The following AP3B2 variants were observed in gnomAD, a reference collection of about 807,000 sequenced individuals.
The protein encoded by AP3B2 is adaptor related protein complex 3 subunit beta 2.
A neutral mutation model predicts 126.9 loss-of-function variants in AP3B2; 50 were observed. The ratio of observed to expected loss-of-function variants is 0.39; its 90% CI spans 0.31 to 0.50. The LOEUF (loss-of-function observed/expected upper bound fraction) is 0.50. Among genes scored for constraint, AP3B2 ranks in the 20% least tolerant of loss-of-function variants. The pLI is 0.79. For missense variants in AP3B2, 1,177 were observed against 1,426.4 expected, an observed-to-expected ratio of 0.83 and a Z score of 2.82; for synonymous variants, 541 against 565.0, an observed-to-expected ratio of 0.96 and a Z score of 0.60.
At chr15:82,684,637 C>T in intron 4 of AP3B2, among the ~76,000 whole-genome samples, 1 of 152,166 alleles carries the variant, frequency 6.6e-6, no homozygotes, top group Non-Finnish European at 1.5e-5. Flanking sequence ...ACCTCAGCCT[C>T]CCAAGTAGCT....
At position 82,680,084 on chromosome 15, in the gene AP3B2, T is replaced by TCCCCGG. The variant is rs907002279; in HGVS notation, c.1110+85_1110+90dup. On this transcript the variant is annotated intron_variant, in intron 9 of 26. Transcript: ENST00000535359. This position sits in a 1 kb window ranked among gnomAD's most constrained non-coding sequence, Gnocchi z 6.1. ...CCAGGGTATTCCTCCATCTTCCCTT[T>TCCCCGG]CCCCGGCCCCGGTCCCAGCCCCGAC... 7 of 1,542,202 alleles carry TCCCCGG rather than the reference T, an allele frequency of 4.5e-6. No individual in the cohort carries two copies. In the African/African-American group the frequency reaches 9.5e-5, roughly 21 times the overall value.
chr15:82,692,357 A>C, intron 1 of AP3B2: 8 of 526,166 alleles, frequency 1.5e-5, no homozygotes, highest in East Asian at 3.5e-5. Context: ...CCAGCCCAAC[A>C]TCGGCACCTC....
intron 1 of AP3B2, among the ~76,000 whole-genome samples, chr15:82,693,688 C>T (rs1018555851): frequency 3.3e-5 from 5 of 152,080 alleles, no homozygotes; most frequent in African/African-American, 4.8e-5. Flanking sequence ...AACAATATGG[C>T]TAGGTTTAAT....
chr15:82,674,657 G>T (rs998242777), intron 14 of AP3B2, among the ~76,000 whole-genome samples: 2 of 152,228 alleles, frequency 1.3e-5, no homozygotes, highest in Non-Finnish European at 2.9e-5. Context: ...TCCTCAGGAC[G>T]CAGCACAGTA....
chr15:82,662,104 G>A, intron 24 of AP3B2, 64 bp downstream of exon 24: 3 of 1,479,358 alleles, frequency 2.0e-6, no homozygotes, highest in Non-Finnish European at 2.8e-6. Context: ...TCCATTTCCA[G>A]TTCATTGTTA....
chr15:82,690,984 C>T (rs2048521921), intron 1 of AP3B2, among the ~76,000 whole-genome samples: 1 of 102,842 alleles, frequency 9.7e-6, no homozygotes, highest in Non-Finnish European at 2.3e-5. Context: ...CCAGCCATGC[C>T]ACATGTTCTT....
intron 1 of AP3B2, among the ~76,000 whole-genome samples, chr15:82,695,953 G>A (rs575816100): frequency 6.6e-6 from 1 of 152,256 alleles, no homozygotes; most frequent in East Asian, 1.9e-4. Flanking sequence ...CCATTTTTGT[G>A]GCCAGAGGTG....
rs748172513 is a variant in AP3B2 at position 82,664,468 on chromosome 15, C to A, written c.2160G>T (p.Ser720=). 6.2e-7 allele frequency: 1 copy of A among 1,613,700 alleles called. No individual in the cohort carries two copies. Among genetic ancestry groups the A allele is most frequent in the East Asian group, 2.2e-5 (1 of 44,884 alleles). The change falls in exon 19 of 27, where the codon TCG becomes TCT. Residue 720 remains serine (S), a synonymous_variant. Coordinates refer to ENST00000535359, the MANE Select transcript of AP3B2 (RefSeq NM_001278512.2). This position sits in a 1 kb window ranked among gnomAD's most constrained non-coding sequence, Gnocchi z 4.5. ...ADSDPESESE[S]DSKSSSESGS... ...CGCTCTCACTGCTGCTCTTACTGTCCGATTCACTCTCAGACTCAGGGTCTG... is the reference window on the plus strand; with the variant it reads ...CGCTCTCACTGCTGCTCTTACTGTCAGATTCACTCTCAGACTCAGGGTCTG...
chr15:82,681,743 A>G lies in AP3B2; in HGVS notation c.361-163T>C. 2.6e-6 allele frequency: 2 copies of G among 774,940 alleles called. No individual in the cohort carries two copies. Among genetic ancestry groups the G allele is most frequent in the East Asian group, 2.7e-5 (1 of 36,692 alleles). The allele number at this position is 774,940 out of a possible 1,614,324, so 48.0% of individuals were successfully genotyped here. A position where few individuals can be genotyped will look rare whatever the true frequency, so the allele number is the denominator to read the frequency against. On this transcript the variant is annotated intron_variant, in intron 4 of 26. Coordinates refer to ENST00000535359, the MANE Select transcript of AP3B2 (RefSeq NM_001278512.2). This position sits in a 1 kb window ranked among gnomAD's most constrained non-coding sequence, Gnocchi z 4.0. The stretch of plus-strand genomic sequence containing the variant: ...TGCCAGTGATGGGTATCTGGGGGAC[A>G]CTTAATTTTGGCTCTGGTTGCAGAA...
At chr15:82,679,361 C>T (rs1369711607) in intron 10 of AP3B2, among the ~76,000 whole-genome samples, 2 of 152,120 alleles carry the variant, frequency 1.3e-5, no homozygotes, top group Non-Finnish European at 2.9e-5. Flanking sequence ...TGACCTCAGG[C>T]GATCTGCCTG....
At chr15:82,663,012 A>G in intron 22 of AP3B2, 90 bp from the exon 23 acceptor site, 1 of 1,506,692 alleles carries the variant, frequency 6.6e-7, no homozygotes, top group Non-Finnish European at 9.0e-7. Flanking sequence ...AGCAGCTGGG[A>G]CTCAAAGCTA....
chr15:82,707,552 A>C (rs2048815838), intron 1 of AP3B2, among the ~76,000 whole-genome samples: 1 of 152,104 alleles, frequency 6.6e-6, no homozygotes, highest in African/African-American at 2.4e-5. Flanking sequence ...TGTTTCTCCA[A>C]ACCATTACAG....
rs1197791802 is a variant in AP3B2, at chr15:82,709,655, C to T, written c.52G>A (p.Gly18Arg). 2.6e-6 allele frequency: 4 copies of T among 1,515,934 alleles called. No individual in the cohort carries two copies. Among genetic ancestry groups the T allele is most frequent in the Non-Finnish European group, 3.5e-6 (4 of 1,134,808 alleles). 93.9% of individuals were successfully genotyped at this position (1,515,934 alleles called of 1,614,324 possible). A position where few individuals can be genotyped will look rare whatever the true frequency, so the allele number is the denominator to read the frequency against. Residue 18 changes from glycine (G) to arginine (R), a missense_variant, in exon 1 of 27, where the codon GGG becomes AGG. This residue lies in a region of AP3B2 where 49 missense variants were observed against 39.3 expected (regional missense o/e 1.25). Transcript: ENST00000535359. ...GGGTCGTGGCCGTACTCGGGCTCCCCGGGGCCAGCGGAGCCGCCCTTGTCT... is the reference window on the plus strand; with the variant it reads ...GGGTCGTGGCCGTACTCGGGCTCCCTGGGGCCAGCGGAGCCGCCCTTGTCT... Reference protein sequence around the residue: ...SEDKGGSAGPGEPEYGHDPAS... With the variant: ...SEDKGGSAGPREPEYGHDPAS...
At position 82,681,062 on chromosome 15, in the gene AP3B2, A is replaced by C. The variant is rs746705098; in HGVS notation, c.589-43T>G. 6.2e-6 allele frequency: 10 copies of C among 1,613,456 alleles called. No individual in the cohort carries two copies. In the South Asian group the frequency reaches 1.1e-4, roughly 18 times the overall value. Reference sequence around the variant, plus strand: ...ACGAGAGGGTGAACGCGAAGGGTGGAAGGCCGGCTGCCGGTCACCACCCCT... The same window carrying C: ...ACGAGAGGGTGAACGCGAAGGGTGGCAGGCCGGCTGCCGGTCACCACCCCT... On this transcript the variant is annotated intron_variant, in intron 6 of 26. Coordinates refer to ENST00000535359, the MANE Select transcript of AP3B2 (RefSeq NM_001278512.2). The surrounding 1 kb of genome is among the most constrained non-coding windows in gnomAD (Gnocchi z 4.0).
At chr15:82,687,229 G>C (rs755033341) in intron 4 of AP3B2, 1 of 152,190 alleles carries the variant, frequency 6.6e-6, no homozygotes, top group Non-Finnish European at 1.5e-5. Flanking sequence ...TCTATTGCCT[G>C]TTTTTTATAT....
In AP3B2 at chr15:82,680,789, T is replaced by C; in HGVS notation, c.772-34A>G. 1 of 1,605,906 alleles carries C rather than the reference T, an allele frequency of 6.2e-7. No individual in the cohort carries two copies. The highest frequency in any genetic ancestry group is 8.5e-7 in the Non-Finnish European group (1 of 1,176,076). ...GGAGACCGACGGGTCTGTGGGCGCC[T>C]CCCCGGGACACACTTCGGCCCGCTC... is the stretch of plus-strand genomic sequence containing the variant. On this transcript the variant is annotated intron_variant, in intron 7 of 26. Transcript: ENST00000535359. The surrounding 1 kb of genome is among the most constrained non-coding windows in gnomAD (Gnocchi z 6.1).
rs2048260369 is a variant in AP3B2 at position 82,677,332 on chromosome 15, T to A, written c.1430A>T (p.Gln477Leu). Reference sequence around the variant, plus strand: ...GATGATCTCTCCATGTTGTGCTGGCTGCATCTGTAGCAATTTCTTAATGAC... The same window carrying A: ...GATGATCTCTCCATGTTGTGCTGGCAGCATCTGTAGCAATTTCTTAATGAC... ...VVVIKKLLQM[Q>L]PAQHGEIIKH... is the part of the protein sequence containing the mutation. The change falls in exon 13 of 27, where the codon CAG becomes CTG. Residue 477 changes from glutamine (Q) to leucine (L), a missense_variant. By Grantham distance (113) the Gln-to-Leu change is moderately radical. Transcript: ENST00000535359. 2 of 1,613,898 alleles carry A rather than the reference T, an allele frequency of 1.2e-6. No individual in the cohort carries two copies. Among genetic ancestry groups the A allele is most frequent in the African/African-American group, 2.7e-5 (2 of 74,940 alleles).
At chr15:82,678,219 T>G (rs191073441) in intron 10 of AP3B2, 52 bp from the exon 11 acceptor site, 1 of 1,540,146 alleles carries the variant, frequency 6.5e-7, no homozygotes, top group East Asian at 2.2e-5. Flanking sequence ...CAGTGGACTT[T>G]CTGTGCTTTC....
intron 1 of AP3B2, among the ~76,000 whole-genome samples, chr15:82,697,030 G>C (rs1724614052): frequency 6.6e-6 from 1 of 152,024 alleles, no homozygotes; most frequent in African/African-American, 2.4e-5. Context: ...AAATATCACA[G>C]TGATAAAAAT....
Sources: allele counts gnomAD v4.1 joint callset (sites outside exome capture counted in the v4.1 genomes callset), GRCh38; gene constraint gnomAD v4.1.1; regional missense constraint gnomAD v4.1.1; non-coding constraint Gnocchi (gnomAD v3.1); transcripts MANE v1.5; gene names NCBI Gene and HGNC (gene_info 2026-07-23, HGNC 2026-07-21).